The following ARIH1 variants were observed in gnomAD, a reference collection of about 807,000 sequenced individuals.
ARIH1 encodes the protein ariadne RBR E3 ubiquitin protein ligase 1.
In ARIH1, 8 loss-of-function variants were observed where a neutral mutation model predicts 85.0. That is an observed-to-expected ratio of 0.09 (90% confidence interval 0.06 to 0.17). The LOEUF (loss-of-function observed/expected upper bound fraction) is 0.17. Ranked by LOEUF, ARIH1 falls within the 10% of genes least tolerant of loss-of-function variation. The pLI is 1.00. For missense variants in ARIH1, 311 were observed against 718.1 expected (o/e 0.43, Z 6.48); for synonymous variants, 238 against 253.6 (o/e 0.94, Z 0.59).
At chr15:72,485,727 T>C (rs2063835015) in intron 1 of ARIH1, among the ~76,000 whole-genome samples, 1 of 152,218 alleles carries the variant, frequency 6.6e-6, no homozygotes. Context: ...GTCTTTCTTA[T>C]AATAGGCATA....
At chr15:72,479,867 CT>C (rs751458550) in intron 1 of ARIH1, among the ~76,000 whole-genome samples, 138 of 143,046 alleles carry the variant, frequency 9.6e-4, no homozygotes, top group South Asian at 9.0e-4. Context: ...GTGTACTATT[CT>C]TTTTTTTTTT....
chr15:72,482,118 G>T (rs2063818878), intron 1 of ARIH1, among the ~76,000 whole-genome samples: 1 of 152,184 alleles, frequency 6.6e-6, no homozygotes, highest in Non-Finnish European at 1.5e-5. Flanking sequence ...TTACAGGCAT[G>T]AGCCACTGCA....
intron 1 of ARIH1, among the ~76,000 whole-genome samples, chr15:72,505,667 G>A (rs1433723151): frequency 1.3e-5 from 2 of 152,126 alleles, no homozygotes; most frequent in African/African-American, 4.8e-5. Context: ...CCTCAGAAAA[G>A]GTTTGACCAA....
intron 2 of ARIH1, among the ~76,000 whole-genome samples, chr15:72,539,159 A>G (rs994095283): frequency 2.0e-5 from 3 of 152,216 alleles, no homozygotes; most frequent in African/African-American, 7.2e-5. Flanking sequence ...AGTGCTTTAC[A>G]TTGAGTCAGT....
intron 1 of ARIH1, among the ~76,000 whole-genome samples, chr15:72,501,221 G>T (rs1001939748): frequency 5.9e-5 from 9 of 152,054 alleles, no homozygotes; most frequent in African/African-American, 2.2e-4. Flanking sequence ...ACTTTTATTA[G>T]CTTTAAAGAA....
chr15:72,498,389 A>G (rs540691556), intron 1 of ARIH1, among the ~76,000 whole-genome samples: 30 of 152,362 alleles, frequency 2.0e-4, no homozygotes, highest in African/African-American at 6.5e-4. Flanking sequence ...AACCATATCA[A>G]TTTATCAGTT....
Position 72,588,725 on chromosome 15 carries a change from G to C in ARIH1, c.*5433G>C, listed in dbSNP as rs917304649. The C allele has an allele frequency of 1.3e-5, 2 of 152,028 alleles. No homozygotes were observed. Among genetic ancestry groups the C allele is most frequent in the Non-Finnish European group, 2.9e-5 (2 of 68,004 alleles). The allele number at this position is 152,028 out of a possible 1,614,324, so 9.4% of individuals were successfully genotyped here. On this transcript the variant is annotated 3_prime_UTR_variant, in exon 14 of 14. Coordinates refer to ENST00000379887, the MANE Select transcript of ARIH1 (RefSeq NM_005744.5). ...GCAGTGCCCAATTTGGTTTTTTGTT[G>C]GTTTTCTGGTAAGTGGTCCACCTTG... is the stretch of plus-strand genomic sequence containing the variant.
At position 72,512,675 on chromosome 15, in the gene ARIH1, A is replaced by G. The variant is rs111907267; in HGVS notation, c.376-5392A>G. Among the ~76,000 whole-genome samples the G allele has an allele frequency of 6.4e-4, 97 of 151,138 alleles. 2 individuals are homozygous for G. Among genetic ancestry groups the G allele is most frequent in the African/African-American group, 2.1e-3 (86 of 41,172 alleles). The stretch of plus-strand genomic sequence containing the variant: ...TTTAATATGATAAATTTTCCTGTAA[A>G]CACTGTTATGTCCCACAACTTTGAT... On this transcript the variant is annotated intron_variant, in intron 1 of 13. Transcript: ENST00000379887.
intron 5 of ARIH1, among the ~76,000 whole-genome samples, chr15:72,560,359 G>A (rs1049551240): frequency 6.6e-6 from 1 of 152,176 alleles, no homozygotes; most frequent in Non-Finnish European, 1.5e-5. Flanking sequence ...ATACTTTATT[G>A]TAACTGAGTG....
intron 1 of ARIH1, among the ~76,000 whole-genome samples, chr15:72,507,024 T>G (rs190440294): frequency 1.2e-3 from 177 of 147,016 alleles, no homozygotes; most frequent in African/African-American, 4.4e-3. Context: ...ATGTATGTAT[T>G]TATTTATTTA....
chr15:72,575,185 C>T (rs1043704212), intron 11 of ARIH1, among the ~76,000 whole-genome samples: 2 of 152,134 alleles, frequency 1.3e-5, no homozygotes, highest in African/African-American at 4.8e-5. Flanking sequence ...TTTGTATACC[C>T]CTGTTCTAAG....
chr15:72,580,961 C>T lies in ARIH1; in HGVS notation c.1446C>T (p.Leu482=), dbSNP rs1294027012. The change falls in exon 12 of 14, where the codon CTC becomes CTT. Residue 482 remains leucine, a synonymous_variant. Coordinates refer to ENST00000379887, the MANE Select transcript of ARIH1 (RefSeq NM_005744.5). ...ACACTTATGTCTTCGCTTTCTACCT[C>T]AAAAAGAATAACCAGTCCATTATCT... ...LMYTYVFAFY[L]KKNNQSIIFE... 6.2e-7 allele frequency: 1 copy of T among 1,613,924 alleles called. No homozygotes were observed. Among genetic ancestry groups the T allele is most frequent in the South Asian group, 1.1e-5 (1 of 91,062 alleles).
rs879026500 is a variant in ARIH1, at chr15:72,475,092, C to T, written c.375+78C>T. The T allele has an allele frequency of 1.2e-4, 177 of 1,527,452 alleles. 3 individuals carry two copies. In the South Asian group the frequency reaches 1.2e-3, roughly 10 times the overall value. The allele number at this position is 1,527,452 out of a possible 1,614,324, so 94.6% of individuals were successfully genotyped here. On this transcript the variant is annotated intron_variant, in intron 1 of 13. Transcript: ENST00000379887. ...AGGCGGCACGCGCGGTCCCGAGGGA[C>T]AGGCCTGGGCCTGGTGCGCAGCCTA...
At chr15:72,507,147 C>T (rs1269801142) in intron 1 of ARIH1, among the ~76,000 whole-genome samples, 2 of 152,098 alleles carry the variant, frequency 1.3e-5, no homozygotes, top group Non-Finnish European at 1.5e-5. Flanking sequence ...CTCAGCCTCC[C>T]AAGTAGCTAG....
intron 3 of ARIH1, among the ~76,000 whole-genome samples, chr15:72,550,561 C>G (rs1466086093): frequency 2.0e-5 from 3 of 152,100 alleles, no homozygotes; most frequent in Admixed American, 6.5e-5. Context: ...AAGTTAGTGC[C>G]AAATCTCCTT....
intron 11 of ARIH1, among the ~76,000 whole-genome samples, chr15:72,573,948 C>A (rs1460482482): frequency 1.3e-5 from 2 of 152,176 alleles, no homozygotes; most frequent in African/African-American, 4.8e-5. Flanking sequence ...CACTAACTTT[C>A]TATATATTTC....
At chr15:72,492,807 G>A (rs1326860655) in intron 1 of ARIH1, among the ~76,000 whole-genome samples, 1 of 152,164 alleles carries the variant, frequency 6.6e-6, no homozygotes, top group African/African-American at 2.4e-5. Flanking sequence ...TAAAGCCAAA[G>A]TGGTGAAAAT....
chr15:72,554,587 ATGTT>A (rs1404642412), intron 3 of ARIH1, among the ~76,000 whole-genome samples: 1 of 152,034 alleles, frequency 6.6e-6, no homozygotes, highest in African/African-American at 2.4e-5. Flanking sequence ...GAGTCTCACT[ATGTT>A]GCCCAGGCTG....
At chr15:72,552,483 T>A (rs2064156889) in intron 3 of ARIH1, among the ~76,000 whole-genome samples, 1 of 152,062 alleles carries the variant, frequency 6.6e-6, no homozygotes, top group South Asian at 2.1e-4. Context: ...AGACACAGGG[T>A]TTCGCCATGT....
Sources: allele counts gnomAD v4.1 joint callset (sites outside exome capture counted in the v4.1 genomes callset), GRCh38; gene constraint gnomAD v4.1.1; transcripts MANE v1.5; gene names NCBI Gene and HGNC (gene_info 2026-07-23, HGNC 2026-07-21).